CELF2: variants seen among roughly 807,000 people sequenced by gnomAD.
CELF2 encodes the protein CUG triplet repeat RNA-binding protein 2.
CELF2 carries 8 observed loss-of-function variants against 62.6 expected under a neutral mutation model. The observed-to-expected ratio is 0.13, with a 90% CI of 0.07 to 0.23. CELF2 has a LOEUF of 0.23. CELF2 is among the 10% of genes least tolerant of loss of function. The pLI is 1.00. For synonymous variants in CELF2, 258 were observed against 250.0 expected (o/e 1.03, Z -0.30); for missense variants, 333 against 671.0 (o/e 0.50, Z 5.56).
intron 1 of CELF2, among the ~76,000 whole-genome samples, chr10:10,870,143 T>G (rs190524837): frequency 6.6e-6 from 1 of 152,160 alleles, no homozygotes; most frequent in African/African-American, 2.4e-5. Context: ...TATGAATTCT[T>G]AAGAAAAATC....
intron 1 of CELF2, among the ~76,000 whole-genome samples, chr10:11,079,904 C>CTG (rs2073483790): frequency 6.6e-6 from 1 of 152,154 alleles, no homozygotes; most frequent in Non-Finnish European, 1.5e-5. Context: ...GCAAGATGCA[C>CTG]TGTACTGCAA....
At chr10:11,007,938 C>T (rs907676790) in intron 1 of CELF2, among the ~76,000 whole-genome samples, 41 of 152,124 alleles carry the variant, frequency 2.7e-4, no homozygotes, top group Non-Finnish European at 1.2e-4. Context: ...AACGAGGTAA[C>T]TCTCTTCTCA....
chr10:11,218,050 T>A (rs1340042109), intron 3 of CELF2, among the ~76,000 whole-genome samples: 1 of 152,194 alleles, frequency 6.6e-6, no homozygotes, highest in Non-Finnish European at 1.5e-5. Context: ...AAGCTTACAA[T>A]TTTTTTCTCC....
chr10:10,731,365 A>G, the CELF2 span, among the ~76,000 whole-genome samples: 65 of 152,322 alleles, frequency 4.3e-4, 2 homozygotes, highest in East Asian at 0.01. Context: ...TCATTCAGGT[A>G]GAGTATTGTT....
At chr10:10,910,809 C>T (rs1281183028) in intron 1 of CELF2, among the ~76,000 whole-genome samples, 1 of 151,186 alleles carries the variant, frequency 6.6e-6, no homozygotes, top group Non-Finnish European at 1.5e-5. Context: ...CTTTTCAGTT[C>T]TGGGAGTACA....
At chr10:10,629,897 C>T in the CELF2 span, among the ~76,000 whole-genome samples, 64 of 113,522 alleles carry the variant, frequency 5.6e-4, 2 homozygotes, top group African/African-American at 2.1e-3. Context: ...AAAAAGCTTG[C>T]TTTTGTGAAG....
intron 2 of CELF2, among the ~76,000 whole-genome samples, chr10:11,187,156 G>C (rs2075161432): frequency 6.6e-6 from 1 of 152,080 alleles, no homozygotes. Context: ...GAAATCTCGT[G>C]TATTTGTGTA....
chr10:10,895,409 A>G (rs1394089067), intron 1 of CELF2, among the ~76,000 whole-genome samples: 1 of 152,214 alleles, frequency 6.6e-6, no homozygotes, highest in Non-Finnish European at 1.5e-5. Context: ...ATTTCCAAGA[A>G]AAATGTAGAA....
chr10:11,037,120 G>A (rs1483011053), intron 1 of CELF2, among the ~76,000 whole-genome samples: 6 of 152,218 alleles, frequency 3.9e-5, no homozygotes, highest in Non-Finnish European at 8.8e-5. Context: ...AAGGAAAGAG[G>A]TTTAATGGAC....
the CELF2 span, among the ~76,000 whole-genome samples, chr10:10,607,082 C>A: frequency 6.6e-6 from 1 of 152,162 alleles, no homozygotes; most frequent in African/African-American, 2.4e-5. Context: ...TATTCAAAAG[C>A]TATTTAATGC....
chr10:11,101,757 C>A (rs556711113), intron 1 of CELF2, among the ~76,000 whole-genome samples: 1 of 152,318 alleles, frequency 6.6e-6, no homozygotes, highest in East Asian at 1.9e-4. Flanking sequence ...TCATTTCTCC[C>A]TTGCCTGGAA....
intron 8 of CELF2, among the ~76,000 whole-genome samples, chr10:11,281,669 C>T (rs763931280): frequency 1.6e-3 from 237 of 152,288 alleles, no homozygotes; most frequent in Admixed American, 2.7e-3. Context: ...AGGAGGATCG[C>T]TTGAGCCTGG....
Position 11,316,715 on chromosome 10 carries a change from G to C in CELF2, c.1096+2457G>C, listed in dbSNP as rs1358635407. ...TACCCACCGACACAGCGGTCAGCAA[G>C]AAAGCAGGTAGATGACTCACCAGAG... On this transcript the variant is annotated intron_variant, in intron 10 of 12. Transcript: ENST00000633077. The surrounding 1 kb of genome is among the most constrained non-coding windows in gnomAD (Gnocchi z 4.4). 1 of 152,172 alleles carries C rather than the reference G, an allele frequency of 6.6e-6. No individual in the cohort carries two copies. The highest frequency in any genetic ancestry group is 2.4e-5 in the African/African-American group (1 of 41,432). The allele number at this position is 152,172 out of a possible 1,614,324, so 9.4% of individuals were successfully genotyped here.
the CELF2 span, among the ~76,000 whole-genome samples, chr10:10,728,116 AT>A: frequency 6.8e-5 from 10 of 147,486 alleles, no homozygotes; most frequent in Admixed American, 6.8e-5. Flanking sequence ...AATGAGAATG[AT>A]TTTTTTTTTC....
At chr10:11,261,654 T>C (rs908491564) in intron 5 of CELF2, among the ~76,000 whole-genome samples, 5 of 152,194 alleles carry the variant, frequency 3.3e-5, no homozygotes, top group African/African-American at 1.2e-4. Flanking sequence ...CGTTTCTCCC[T>C]TTGGGGAAGT....
intron 1 of CELF2, among the ~76,000 whole-genome samples, chr10:11,151,777 G>A (rs751828167): frequency 6.6e-6 from 1 of 152,114 alleles, no homozygotes; most frequent in Non-Finnish European, 1.5e-5. Context: ...AAGTAGATAA[G>A]GGCTTTTAGG....
chr10:10,621,569 C>A, the CELF2 span, among the ~76,000 whole-genome samples: 1 of 152,176 alleles, frequency 6.6e-6, no homozygotes, highest in Non-Finnish European at 1.5e-5. Context: ...TACCCCCTTT[C>A]TGAAGGGTAC....
At chr10:11,014,893 T>A (rs2057020386), upstream of CELF2, among the ~76,000 whole-genome samples, 2 of 152,144 alleles carry the variant, frequency 1.3e-5, no homozygotes. Context: ...TAAGAAGAGC[T>A]TAAGGTTTTT....
chr10:11,170,935 G>A (rs987930513), intron 2 of CELF2, among the ~76,000 whole-genome samples: 1 of 152,236 alleles, frequency 6.6e-6, no homozygotes, highest in Admixed American at 6.5e-5. Context: ...CTGATTTTAT[G>A]GAAGTGAAAA....
Sources: allele counts gnomAD v4.1 joint callset (sites outside exome capture counted in the v4.1 genomes callset), GRCh38; gene constraint gnomAD v4.1.1; non-coding constraint Gnocchi (gnomAD v3.1); transcripts MANE v1.5; gene names NCBI Gene and HGNC (gene_info 2026-07-23, HGNC 2026-07-21).